Variants in CIB1 observed in about 807,000 individuals in gnomAD.
CIB1 encodes calcium and integrin binding 1, also known as calcium and integrin-binding protein 1.
In CIB1, 19 loss-of-function variants were observed where a neutral mutation model predicts 25.0. The ratio of observed to expected loss-of-function variants is 0.76; its 90% confidence interval spans 0.53 to 1.12. The LOEUF is 1.12. Among genes scored for constraint, CIB1 ranks in the 50% most tolerant of loss-of-function variants. The pLI is 0.00. For missense variants in CIB1, 236 were observed against 242.6 expected (o/e 0.97, Z 0.18); for synonymous variants, 104 against 98.5 (o/e 1.06, Z -0.33).
the CIB1 span, chr15:90,243,487 T>G: frequency 6.6e-6 from 1 of 152,074 alleles, no homozygotes; most frequent in Non-Finnish European, 1.5e-5. Context: ...GCTGGGACGA[T>G]AGGTGTGCAC....
chr15:90,264,034 AG>A, the CIB1 span: 1 of 1,535,706 alleles, frequency 6.5e-7, no homozygotes. Context: ...CTATTTTTCC[AG>A]TGCCAGAATC....
chr15:90,262,949 T>C, the CIB1 span: 1 of 1,530,250 alleles, frequency 6.5e-7, no homozygotes, highest in South Asian at 1.2e-5. Context: ...TGCATTTATC[T>C]CTCATGTACC....
At chr15:90,238,350 A>C (rs916414438), upstream of CIB1, 2 of 152,222 alleles carry the variant, frequency 1.3e-5, no homozygotes, top group Non-Finnish European at 2.9e-5. Context: ...AGTCGTGTTA[A>C]GCACATTCAC....
At chr15:90,237,061 C>T (rs904872546), upstream of CIB1, among the ~76,000 whole-genome samples, 8 of 151,532 alleles carry the variant, frequency 5.3e-5, no homozygotes, top group Non-Finnish European at 1.2e-4. Context: ...CAGATTCAAG[C>T]GATTCTCCTG....
At chr15:90,257,983 C>T in the CIB1 span, 1 of 1,547,228 alleles carries the variant, frequency 6.5e-7, no homozygotes, top group East Asian at 2.2e-5. Context: ...CTCCTGCCTA[C>T]AGCCTGGCCC....
chr15:90,262,727 A>C, the CIB1 span: 3 of 1,408,968 alleles, frequency 2.1e-6, no homozygotes, highest in African/African-American at 2.9e-5. Flanking sequence ...GGACAACTAG[A>C]TAGGGGAATG....
chr15:90,257,006 G>A, the CIB1 span: 1 of 871,876 alleles, frequency 1.1e-6, no homozygotes, highest in Non-Finnish European at 1.7e-6. Flanking sequence ...TATTAAGTGG[G>A]AGTAATAACA....
At chr15:90,242,022 G>A in the CIB1 span, 58 of 1,613,700 alleles carry the variant, frequency 3.6e-5, no homozygotes, top group Non-Finnish European at 4.2e-5. Context: ...GGCAGAAGAC[G>A]TACAGGCAGC....
the CIB1 span, among the ~76,000 whole-genome samples, chr15:90,247,540 T>C: frequency 1.3e-5 from 2 of 151,218 alleles, no homozygotes; most frequent in Admixed American, 6.6e-5. Flanking sequence ...GGTGTTGAGG[T>C]TGACATACCT....
At position 90,232,248 on chromosome 15, in the gene CIB1, C is replaced by G. The variant is rs1247293820; in HGVS notation, c.166G>C (p.Glu56Gln). ...ESSLRAQVPF[E>Q]QILSLPELKA... ...AGCTCTGGAAGGCTGAGAATCTGCT[C>G]GAAGGGCACTTGTGCCCGAAGTGAC... Residue 56 changes from glutamate to glutamine, a missense_variant, in exon 3 of 7, where the codon GAG (glutamate) becomes CAG (glutamine). By Grantham distance (29) the Glu-to-Gln change is conservative (BLOSUM62 2). Transcript: ENST00000328649. The G allele has an allele frequency of 6.2e-7, 1 of 1,612,634 alleles. No homozygotes were observed. Among genetic ancestry groups the G allele is most frequent in the Non-Finnish European group, 8.5e-7 (1 of 1,178,966 alleles).
At chr15:90,249,372 T>TA in the CIB1 span, among the ~76,000 whole-genome samples, 1 of 152,178 alleles carries the variant, frequency 6.6e-6, no homozygotes, top group African/African-American at 2.4e-5. Flanking sequence ...AGTCCCATGA[T>TA]ACACCGGAAG....
At chr15:90,239,305 ATGTGTGTGTGTGTGTGTG>A in the CIB1 span, among the ~76,000 whole-genome samples, 2 of 147,872 alleles carry the variant, frequency 1.4e-5, no homozygotes, top group African/African-American at 2.5e-5. Flanking sequence ...GAGACATAAA[ATGTGTGTGTGTGTGTGTG>A]TGTGTGTGTG....
chr15:90,251,625 G>A, the CIB1 span: 16 of 1,610,200 alleles, frequency 9.9e-6, no homozygotes, highest in African/African-American at 1.3e-5. Flanking sequence ...TCACACTGTG[G>A]TGCATAACAT....
At chr15:90,257,886 A>G in the CIB1 span, 59 of 935,558 alleles carry the variant, frequency 6.3e-5, no homozygotes, top group Non-Finnish European at 8.9e-5. Flanking sequence ...TGCAGCCCCA[A>G]ACCTCACCCT....
the CIB1 span, chr15:90,244,063 C>A: frequency 1.3e-5 from 2 of 151,886 alleles, no homozygotes; most frequent in Non-Finnish European, 2.9e-5. Context: ...CCTGAGTCTT[C>A]TTAATACCCC....
chr15:90,241,662 G>C, the CIB1 span: 2 of 1,614,120 alleles, frequency 1.2e-6, no homozygotes, highest in South Asian at 1.1e-5. Context: ...GGACCTCCCA[G>C]CTCCTGGCTT....
chr15:90,235,798 G>C (rs560214914), upstream of CIB1, among the ~76,000 whole-genome samples: 52 of 152,076 alleles, frequency 3.4e-4, 1 homozygote, highest in South Asian at 0.01. Context: ...TGGATCTCCT[G>C]ACCTCGTGAT....
upstream of CIB1, chr15:90,234,002 A>G (rs1238327498): frequency 8.6e-7 from 1 of 1,167,890 alleles, no homozygotes; most frequent in Non-Finnish European, 1.1e-6. Flanking sequence ...TGGGGCCACC[A>G]CCCCCGGGCC....
At chr15:90,256,129 C>T in the CIB1 span, 1 of 1,613,452 alleles carries the variant, frequency 6.2e-7, no homozygotes, top group South Asian at 1.1e-5. Context: ...ACCAGGCCCT[C>T]TCTGCACATA....
Sources: allele counts gnomAD v4.1 joint callset (sites outside exome capture counted in the v4.1 genomes callset), GRCh38; gene constraint gnomAD v4.1.1; transcripts MANE v1.5; gene names NCBI Gene and HGNC (gene_info 2026-07-23, HGNC 2026-07-21).